CCND3: variants seen among roughly 807,000 people sequenced by gnomAD.
CCND3 encodes the protein cyclin D3, also known as G1/S-specific cyclin-D3.
In CCND3, 9 loss-of-function variants were observed where a neutral mutation model predicts 28.7. That is an observed-to-expected ratio of 0.31 (90% CI 0.19 to 0.55). CCND3 has a LOEUF of 0.55. Among genes scored for constraint, CCND3 ranks in the 20% least tolerant of loss-of-function variants. CCND3 has a pLI of 0.93. For synonymous variants in CCND3, 164 were observed against 163.9 expected, an observed-to-expected ratio of 1.00 and a Z score of 0.00; for missense variants, 315 against 385.8, an observed-to-expected ratio of 0.82 and a Z score of 1.54.
rs2479717 is a variant in CCND3, at chr6:41,937,436, T to A, written c.415-42A>T. On this transcript the variant is annotated intron_variant, in intron 2 of 4. Coordinates refer to ENST00000372991, the MANE Select transcript of CCND3 (RefSeq NM_001760.5). Reference sequence around the variant, plus strand: ...AGGGTGGGGTCAGTGGCTGGAGAAGTGAAGAGGAGGGAGCAAAGCAGAAGT... The same window carrying A: ...AGGGTGGGGTCAGTGGCTGGAGAAGAGAAGAGGAGGGAGCAAAGCAGAAGT... The A allele has an allele frequency of 0.76, 1,222,735 of 1,610,590 alleles. 467,463 individuals are homozygous for A. Among genetic ancestry groups the A allele is most frequent in the African/African-American group, 0.95 (71,374 of 74,928 alleles).
intron 1 of CCND3, among the ~76,000 whole-genome samples, chr6:41,984,377 G>T (rs1043016683): frequency 6.6e-6 from 1 of 151,974 alleles, no homozygotes; most frequent in Non-Finnish European, 1.5e-5. Flanking sequence ...ACGCAGTTTC[G>T]CTCTTGTTGC....
chr6:41,945,415 T>G (rs1207502651), upstream of CCND3, among the ~76,000 whole-genome samples: 1 of 152,158 alleles, frequency 6.6e-6, no homozygotes, highest in African/African-American at 2.4e-5. Flanking sequence ...CTCCGGAGGC[T>G]GAGCAGGAGA....
chr6:41,936,098 G>T lies in CCND3; in HGVS notation c.721C>A (p.Arg241=), dbSNP rs540997482. The T allele has an allele frequency of 1.3e-6, 2 of 1,592,026 alleles. No homozygotes were observed. The highest frequency in any genetic ancestry group is 1.1e-5 in the South Asian group (1 of 88,704). ...GITGTEVDCL[R]ACQEQIEAAL... ...GCTTCGATCTGCTCCTGACAGGCCC[G>T]CAGGCAGTCCTGGGAACATGGGAGA... The change falls in exon 5 of 5, where the codon CGG becomes AGG. Residue 241 remains arginine (R), a synonymous_variant. Transcript: ENST00000372991. The surrounding 1 kb of genome is among the most constrained non-coding windows in gnomAD (Gnocchi z 4.4).
At chr6:41,972,227 CAAAAAA>C (rs56250051) in intron 1 of CCND3, among the ~76,000 whole-genome samples, 3 of 113,040 alleles carry the variant, frequency 2.7e-5, no homozygotes, top group South Asian at 2.9e-4. Flanking sequence ...GACTCCATCT[CAAAAAA>C]AAAAAAAAAA....
chr6:41,949,753 C>T (rs1286084306), intron 1 of CCND3, among the ~76,000 whole-genome samples: 5 of 151,808 alleles, frequency 3.3e-5, no homozygotes, highest in Non-Finnish European at 5.9e-5. Context: ...GAAAAGAAAC[C>T]TCAGGTACTA....
intron 1 of CCND3, among the ~76,000 whole-genome samples, chr6:42,043,768 C>T (rs1234990813): frequency 1.3e-5 from 2 of 152,172 alleles, no homozygotes; most frequent in African/African-American, 2.4e-5. Flanking sequence ...TGGCTCTGTG[C>T]CTCTCTAAAG....
chr6:41,976,329 G>A (rs1291153163), intron 1 of CCND3, among the ~76,000 whole-genome samples: 3 of 151,882 alleles, frequency 2.0e-5, no homozygotes, highest in Non-Finnish European at 2.9e-5. Flanking sequence ...TCCAGCCTGG[G>A]CGACAGAGCA....
At chr6:42,041,454 C>T (rs140478037) in intron 1 of CCND3, among the ~76,000 whole-genome samples, 4 of 152,316 alleles carry the variant, frequency 2.6e-5, no homozygotes, top group South Asian at 2.1e-4. Flanking sequence ...CCCTGGCCTA[C>T]GCTCAGTCAC....
At chr6:42,035,308 A>G (rs1369671742) in intron 1 of CCND3, among the ~76,000 whole-genome samples, 1 of 152,198 alleles carries the variant, frequency 6.6e-6, no homozygotes, top group Admixed American at 6.5e-5. Flanking sequence ...CTTTCAAAAT[A>G]GTTTCCCAGC....
Position 42,048,724 on chromosome 6 carries a change from G to A in CCND3, c.-269C>T. On this transcript the variant is annotated 5_prime_UTR_variant, in exon 1 of 5. Transcript: ENST00000372988. This position sits in a 1 kb window ranked among gnomAD's most constrained non-coding sequence, Gnocchi z 4.7. ...CGCCGCGCCGCCGATCCAGAGCTGGGCAGGAAGTGGGGAAGAGGGGGCGGA... is the reference window on the plus strand; with the variant it reads ...CGCCGCGCCGCCGATCCAGAGCTGGACAGGAAGTGGGGAAGAGGGGGCGGA... The A allele has an allele frequency of 5.9e-6, 3 of 508,460 alleles. No homozygotes were observed. The highest frequency in any genetic ancestry group is 7.8e-6 in the Non-Finnish European group (2 of 255,576). The allele number at this position is 508,460 out of a possible 1,614,324, so 31.5% of individuals were successfully genotyped here. A position where few individuals can be genotyped will look rare whatever the true frequency, so the allele number is the denominator to read the frequency against.
intron 1 of CCND3, among the ~76,000 whole-genome samples, chr6:41,971,031 C>T (rs1397726265): frequency 1.3e-5 from 2 of 152,112 alleles, no homozygotes; most frequent in South Asian, 2.1e-4. Flanking sequence ...GATTCTCCTG[C>T]CGCAGCCTCC....
Position 41,936,538 on chromosome 6 carries a change from G to C in CCND3, c.711+21C>G. 2 of 1,613,272 alleles carry C rather than the reference G, an allele frequency of 1.2e-6. No individual in the cohort carries two copies. Among genetic ancestry groups the C allele is most frequent in the South Asian group, 1.1e-5 (1 of 91,042 alleles). On this transcript the variant is annotated intron_variant, in intron 4 of 4. Transcript: ENST00000372991. The surrounding 1 kb of genome is among the most constrained non-coding windows in gnomAD (Gnocchi z 4.4). ...CTACTTTATGAATGGAGAGGCTGCTGCCCAGCTACCCAGCACTCACCACTT... is the reference window on the plus strand; with the variant it reads ...CTACTTTATGAATGGAGAGGCTGCTCCCCAGCTACCCAGCACTCACCACTT...
chr6:42,014,365 C>CAAAACAAAACA (rs150061290), intron 1 of CCND3, among the ~76,000 whole-genome samples: 1 of 148,714 alleles, frequency 6.7e-6, no homozygotes, highest in Non-Finnish European at 1.5e-5. Flanking sequence ...GACTCTGTCT[C>CAAAACAAAACA]AAACAAAACA....
upstream of CCND3, among the ~76,000 whole-genome samples, chr6:41,943,648 A>G (rs1026226702): frequency 6.6e-6 from 1 of 152,220 alleles, no homozygotes; most frequent in Non-Finnish European, 1.5e-5. Flanking sequence ...GAATTTCCCA[A>G]TCTAAGGTTA....
intron 1 of CCND3, among the ~76,000 whole-genome samples, chr6:41,993,098 TTGA>T (rs1243215160): frequency 6.6e-6 from 1 of 152,186 alleles, no homozygotes. Flanking sequence ...AGACAGGGTC[TTGA>T]TGTGTTGCTT....
chr6:42,044,008 G>A (rs1374054330), intron 1 of CCND3, among the ~76,000 whole-genome samples: 1 of 152,214 alleles, frequency 6.6e-6, no homozygotes, highest in Non-Finnish European at 1.5e-5. Flanking sequence ...GGGCATAAAA[G>A]GCCATGCCAC....
intron 1 of CCND3, among the ~76,000 whole-genome samples, chr6:42,042,855 G>A (rs1399007618): frequency 6.7e-6 from 1 of 150,064 alleles, no homozygotes; most frequent in Non-Finnish European, 1.5e-5. Context: ...CTATAGTTAT[G>A]CCCATTTTAC....
At chr6:42,005,736 T>C (rs1467288503) in intron 1 of CCND3, among the ~76,000 whole-genome samples, 1 of 151,512 alleles carries the variant, frequency 6.6e-6, no homozygotes, top group Non-Finnish European at 1.5e-5. Flanking sequence ...CAGGCTGGAG[T>C]GCAAAGGCGC....
At chr6:41,962,163 C>T (rs1761735575) in intron 1 of CCND3, among the ~76,000 whole-genome samples, 2 of 151,932 alleles carry the variant, frequency 1.3e-5, no homozygotes, top group African/African-American at 4.8e-5. Flanking sequence ...TGTAGTGGCA[C>T]GATATCGGCT....
Sources: allele counts gnomAD v4.1 joint callset (sites outside exome capture counted in the v4.1 genomes callset), GRCh38; gene constraint gnomAD v4.1.1; non-coding constraint Gnocchi (gnomAD v3.1); transcripts MANE v1.5; gene names NCBI Gene and HGNC (gene_info 2026-07-23, HGNC 2026-07-21).